VAPA: variants seen among roughly 807,000 people sequenced by gnomAD.
VAPA encodes the protein vesicle-associated membrane protein-associated protein A.
A neutral mutation model predicts 25.6 loss-of-function variants in VAPA; 6 were observed. The ratio of observed to expected loss-of-function variants is 0.23; its 90% CI spans 0.13 to 0.46. VAPA has a LOEUF of 0.46. VAPA is among the 20% of genes least tolerant of loss of function. VAPA has a pLI of 0.99. For synonymous variants in VAPA, 112 were observed against 106.2 expected, an observed-to-expected ratio of 1.05 and a Z score of -0.34; for missense variants, 244 against 302.1, an observed-to-expected ratio of 0.81 and a Z score of 1.43.
At chr18:9,930,256 A>T (rs1281148636) in intron 1 of VAPA, among the ~76,000 whole-genome samples, 21 of 152,174 alleles carry the variant, frequency 1.4e-4, no homozygotes, top group Admixed American at 1.4e-3. Context: ...TCAAAATTAA[A>T]ATTTTGTGAC....
At chr18:9,934,779 G>A (rs1182130062) in intron 2 of VAPA, among the ~76,000 whole-genome samples, 1 of 152,082 alleles carries the variant, frequency 6.6e-6, no homozygotes, top group African/African-American at 2.4e-5. Flanking sequence ...CAACCACATG[G>A]AACCTTAGAA....
rs1165891210 is a variant in VAPA, at chr18:9,954,184, A to T, written c.723A>T (p.Gly241=). The T allele has an allele frequency of 6.2e-7, 1 of 1,611,714 alleles. No homozygotes were observed. Among genetic ancestry groups the T allele is most frequent in the Non-Finnish European group, 8.5e-7 (1 of 1,178,936 alleles). ...LLVVIAAIFI[G]FFLGKFIL ...TTGTAATTGCAGCCATTTTCATTGGATTCTTTCTAGGGAAATTCATCTTGT... is the reference window on the plus strand; with the variant it reads ...TTGTAATTGCAGCCATTTTCATTGGTTTCTTTCTAGGGAAATTCATCTTGT... The change falls in exon 6 of 6, where the codon GGA becomes GGT. Residue 241 remains glycine, a synonymous_variant. Transcript: ENST00000400000.
rs183366129 is a variant in VAPA at position 9,931,331 on chromosome 18, A to G, written c.80-479A>G. 7.9e-5 allele frequency among the ~76,000 whole-genome samples: 12 copies of G among 152,348 alleles called. No homozygotes were observed. In the East Asian group the frequency reaches 2.3e-3, roughly 29 times the overall value. On this transcript the variant is annotated intron_variant, in intron 1 of 5. Coordinates refer to ENST00000400000, the MANE Select transcript of VAPA (RefSeq NM_194434.3). The stretch of plus-strand genomic sequence containing the variant: ...AAACACTTAACAAATATGTGAATGA[A>G]TGAATGGATTGAATGAATGAACAAA...
At chr18:9,935,978 A>C (rs751602404) in intron 2 of VAPA, 132 bp from the exon 3 acceptor site, 191 of 496,368 alleles carry the variant, frequency 3.8e-4, no homozygotes, top group Non-Finnish European at 5.3e-4. Flanking sequence ...GTGAAGTAGT[A>C]GGAATGATAC....
At chr18:9,920,815 A>G (rs938105685) in intron 1 of VAPA, among the ~76,000 whole-genome samples, 2 of 152,132 alleles carry the variant, frequency 1.3e-5, no homozygotes, top group Admixed American at 6.5e-5. Context: ...CATTTTCCCA[A>G]ACACTCCAGG....
At chr18:9,945,749 G>A (rs2069416482) in intron 4 of VAPA, among the ~76,000 whole-genome samples, 1 of 151,948 alleles carries the variant, frequency 6.6e-6, no homozygotes, top group East Asian at 1.9e-4. Context: ...TTATCTAAAT[G>A]TTTAATAATT....
At chr18:9,925,333 G>T (rs2069191438) in intron 1 of VAPA, among the ~76,000 whole-genome samples, 1 of 151,884 alleles carries the variant, frequency 6.6e-6, no homozygotes, top group Non-Finnish European at 1.5e-5. Context: ...AGTAATTAAA[G>T]CCCTTAGAGG....
intron 4 of VAPA, among the ~76,000 whole-genome samples, chr18:9,941,269 A>C (rs2069364099): frequency 6.6e-6 from 1 of 152,140 alleles, no homozygotes; most frequent in Non-Finnish European, 1.5e-5. Context: ...ACTTACTGAG[A>C]AATGTGTTTA....
intron 4 of VAPA, chr18:9,950,137 T>A: frequency 2.8e-6 from 1 of 356,170 alleles, no homozygotes; most frequent in Non-Finnish European, 5.1e-6. Context: ...TCTCAGCCTT[T>A]GAAGTATTAC....
At chr18:9,943,840 CCTTTTTTTTTTTTT>C (rs1302795083) in intron 4 of VAPA, among the ~76,000 whole-genome samples, 2 of 90,446 alleles carry the variant, frequency 2.2e-5, no homozygotes, top group Non-Finnish European at 2.4e-5. Flanking sequence ...GACATATTTC[CCTTTTTTTTTTTTT>C]TTTTTTTTTT....
intron 4 of VAPA, among the ~76,000 whole-genome samples, chr18:9,943,214 A>G (rs2069384240): frequency 6.6e-6 from 1 of 152,156 alleles, no homozygotes; most frequent in Non-Finnish European, 1.5e-5. Flanking sequence ...AAAATCATTT[A>G]TTTGTGACAA....
At chr18:9,938,894 A>T (rs185989097) in intron 4 of VAPA, among the ~76,000 whole-genome samples, 16 of 152,324 alleles carry the variant, frequency 1.1e-4, no homozygotes, top group Admixed American at 1.0e-3. Flanking sequence ...AGCTTATTAT[A>T]TATAAATCCT....
chr18:9,914,353 A>G lies in VAPA; in HGVS notation c.79+18A>G. 1 of 1,562,322 alleles carries G rather than the reference A, an allele frequency of 6.4e-7. No homozygotes were observed. The highest frequency in any genetic ancestry group is 8.6e-7 in the Non-Finnish European group (1 of 1,157,114). ...ATTCAAAGGTAGGCAGAACGGGGAC[A>G]CCCCCGGGTGGGGTGGGGCGCGCGG... On this transcript the variant is annotated intron_variant, in intron 1 of 5. Transcript: ENST00000400000.
intron 1 of VAPA, among the ~76,000 whole-genome samples, chr18:9,928,328 T>G (rs2069220077): frequency 6.6e-6 from 1 of 152,152 alleles, no homozygotes; most frequent in Admixed American, 6.5e-5. Context: ...AAATAAAAGA[T>G]ATATACAGTT....
intron 1 of VAPA, among the ~76,000 whole-genome samples, chr18:9,930,701 A>ATTT (rs1567894931): frequency 0.016 from 2,414 of 149,206 alleles, 72 homozygotes; most frequent in African/African-American, 0.056. Context: ...TTTTTTTTTA[A>ATTT]AAAAAAAATG....
chr18:9,956,742 T>C lies in VAPA; in HGVS notation c.*2531T>C, dbSNP rs2069555614. On this transcript the variant is annotated 3_prime_UTR_variant, in exon 6 of 6. Coordinates refer to ENST00000400000, the MANE Select transcript of VAPA (RefSeq NM_194434.3). ...TGTTTGTCTTCATTCCTTATATGTT[T>C]AGAAGTTTTTGCTTTGTCTGCCTGC... The C allele has an allele frequency of 6.6e-6, 1 of 152,610 alleles. No individual in the cohort carries two copies. Among genetic ancestry groups the C allele is most frequent in the Admixed American group, 6.5e-5 (1 of 15,286 alleles). 9.5% of individuals were successfully genotyped at this position (152,610 alleles called of 1,614,324 possible). A position where few individuals can be genotyped will look rare whatever the true frequency, so the allele number is the denominator to read the frequency against.
chr18:9,954,030 T>TTG (rs755393736), intron 5 of VAPA, 23 bp from the exon 6 acceptor site: 1 of 1,612,576 alleles, frequency 6.2e-7, no homozygotes, highest in African/African-American at 1.3e-5. Flanking sequence ...TAAAAACCTT[T>TTG]TGTGTGTGTG....
chr18:9,915,803 AAGTG>A (rs1244775831), intron 1 of VAPA: 1 of 152,234 alleles, frequency 6.6e-6, no homozygotes, highest in Non-Finnish European at 1.5e-5. Context: ...ATAGAAGTGT[AAGTG>A]AGCTACTTGT....
Position 9,954,388 on chromosome 18 carries a change from A to G in VAPA, c.*177A>G. On this transcript the variant is annotated 3_prime_UTR_variant, in exon 6 of 6. Transcript: ENST00000400000. The stretch of plus-strand genomic sequence containing the variant: ...CGGTTAGAAAACACAATAAAAACAA[A>G]CTGTTCGGCTACTGGACAGGTTGTA... The G allele has an allele frequency of 1.7e-6, 1 of 583,298 alleles. No individual in the cohort carries two copies. Among genetic ancestry groups the G allele is most frequent in the South Asian group, 2.4e-5 (1 of 41,860 alleles). 36.1% of individuals were successfully genotyped at this position (583,298 alleles called of 1,614,324 possible).
Sources: allele counts gnomAD v4.1 joint callset (sites outside exome capture counted in the v4.1 genomes callset), GRCh38; gene constraint gnomAD v4.1.1; transcripts MANE v1.5; gene names NCBI Gene and HGNC (gene_info 2026-07-23, HGNC 2026-07-21).